AK5: variants seen among roughly 807,000 people sequenced by gnomAD.
AK5 encodes the protein adenylate kinase isoenzyme 5.
In AK5, 27 loss-of-function variants were observed where a neutral mutation model predicts 69.5. The observed-to-expected ratio is 0.39, with a 90% CI of 0.29 to 0.54. The LOEUF (loss-of-function observed/expected upper bound fraction) is 0.54, where lower values mean the gene tolerates loss of function less well. Among genes scored for constraint, AK5 ranks in the 20% least tolerant of loss-of-function variants. The pLI is 0.71. For missense variants in AK5, 531 were observed against 700.4 expected (o/e 0.76, Z 2.73); for synonymous variants, 260 against 244.4 (o/e 1.06, Z -0.60).
chr1:77,377,220 T>G (rs913151845), intron 6 of AK5, among the ~76,000 whole-genome samples: 1 of 152,178 alleles, frequency 6.6e-6, no homozygotes, highest in Non-Finnish European at 1.5e-5. Context: ...CCTCTCTACT[T>G]GGGTGTCACA....
chr1:77,328,022 T>C (rs534741171), intron 5 of AK5, among the ~76,000 whole-genome samples: 1 of 152,312 alleles, frequency 6.6e-6, no homozygotes, highest in East Asian at 1.9e-4. Flanking sequence ...TCAGTCTACC[T>C]TTCCAGAACT....
At chr1:77,453,753 G>C (rs2247536) in intron 8 of AK5, among the ~76,000 whole-genome samples, 42,349 of 152,158 alleles carry the variant, frequency 0.28, 6,221 homozygotes, top group South Asian at 0.45. Flanking sequence ...TCCTCACAAA[G>C]AAGATGAGGC....
chr1:77,388,922 G>A (rs1314953468), intron 6 of AK5, among the ~76,000 whole-genome samples: 2 of 152,158 alleles, frequency 1.3e-5, no homozygotes, highest in African/African-American at 4.8e-5. Flanking sequence ...AGAATATCAG[G>A]GAAGTGGAGG....
At chr1:77,390,486 G>A (rs1016059691) in intron 6 of AK5, among the ~76,000 whole-genome samples, 1 of 152,158 alleles carries the variant, frequency 6.6e-6, no homozygotes, top group Non-Finnish European at 1.5e-5. Context: ...GGTGAGAGGG[G>A]AGAAGCCCAT....
chr1:77,413,700 A>G (rs1570528491), intron 7 of AK5, among the ~76,000 whole-genome samples: 1 of 152,210 alleles, frequency 6.6e-6, no homozygotes, highest in African/African-American at 2.4e-5. Context: ...TGAAAAGGCT[A>G]TCTATGGGTT....
chr1:77,297,484 A>G, intron 3 of AK5, 75 bp from the exon 4 acceptor site: 1 of 1,372,638 alleles, frequency 7.3e-7, no homozygotes, highest in Non-Finnish European at 9.9e-7. Flanking sequence ...TGCATCCCAG[A>G]TGAAGTAGTA....
intron 13 of AK5, among the ~76,000 whole-genome samples, chr1:77,548,898 CTTTT>C (rs34026852): frequency 2.3e-5 from 2 of 87,898 alleles, no homozygotes; most frequent in African/African-American, 4.1e-5. Flanking sequence ...TTGCTTTTAG[CTTTT>C]TTTTTTTTTT....
At chr1:77,415,266 GTTGT>G (rs1178081019) in intron 7 of AK5, among the ~76,000 whole-genome samples, 1 of 152,144 alleles carries the variant, frequency 6.6e-6, no homozygotes, top group Non-Finnish European at 1.5e-5. Context: ...CGTTAACTGA[GTTGT>G]TTAAGAGCCT....
chr1:77,488,228 C>A (rs1323470192), intron 10 of AK5, among the ~76,000 whole-genome samples: 1 of 152,174 alleles, frequency 6.6e-6, no homozygotes, highest in South Asian at 2.1e-4. Flanking sequence ...GGACTCTTCC[C>A]ACACTTATTT....
chr1:77,358,991 C>T (rs1434042171), intron 6 of AK5, among the ~76,000 whole-genome samples: 3 of 151,736 alleles, frequency 2.0e-5, no homozygotes, highest in Non-Finnish European at 4.4e-5. Flanking sequence ...CATGGTGGCT[C>T]ACACCTGTAA....
intron 8 of AK5, among the ~76,000 whole-genome samples, chr1:77,434,887 C>G (rs1002286717): frequency 1.3e-5 from 2 of 152,138 alleles, no homozygotes; most frequent in African/African-American, 4.8e-5. Flanking sequence ...AACAAGAAAA[C>G]TAGTACCTTG....
At chr1:77,428,707 C>T (rs1184400445) in intron 8 of AK5, among the ~76,000 whole-genome samples, 1 of 152,068 alleles carries the variant, frequency 6.6e-6, no homozygotes, top group Non-Finnish European at 1.5e-5. Flanking sequence ...CGCCCAGTAA[C>T]TTGTCATTTA....
intron 8 of AK5, among the ~76,000 whole-genome samples, chr1:77,459,208 G>T (rs1302919011): frequency 2.0e-5 from 3 of 152,128 alleles, no homozygotes; most frequent in Non-Finnish European, 4.4e-5. Context: ...TAAATTTATT[G>T]CTGTCTTCCT....
At chr1:77,322,382 A>C (rs568327376) in intron 5 of AK5, among the ~76,000 whole-genome samples, 1 of 152,038 alleles carries the variant, frequency 6.6e-6, no homozygotes, top group Non-Finnish European at 1.5e-5. Context: ...CTCAAGCACA[A>C]ATTTTACCGG....
intron 6 of AK5, among the ~76,000 whole-genome samples, chr1:77,348,080 T>C (rs990958661): frequency 1.3e-5 from 2 of 152,210 alleles, no homozygotes; most frequent in Non-Finnish European, 2.9e-5. Context: ...GGAAGAACTT[T>C]AAAAATGAAC....
chr1:77,283,671 C>T, intron 1 of AK5: 1 of 950,260 alleles, frequency 1.1e-6, no homozygotes, highest in Non-Finnish European at 1.3e-6. Flanking sequence ...AAATGTGTTA[C>T]TCCTGCGTGA....
At chr1:77,499,112 A>G (rs1391314578) in intron 10 of AK5, among the ~76,000 whole-genome samples, 1 of 152,224 alleles carries the variant, frequency 6.6e-6, no homozygotes, top group Non-Finnish European at 1.5e-5. Context: ...GAAGCAGAGT[A>G]ACAAGCCAGT....
chr1:77,528,236 C>T (rs1658392761), intron 12 of AK5, among the ~76,000 whole-genome samples: 1 of 152,034 alleles, frequency 6.6e-6, no homozygotes, highest in African/African-American at 2.4e-5. Context: ...TCTGATTTTC[C>T]CCAGAGATTC....
intron 6 of AK5, among the ~76,000 whole-genome samples, chr1:77,373,870 A>G (rs545503098): frequency 6.6e-6 from 1 of 152,328 alleles, no homozygotes; most frequent in Non-Finnish European, 1.5e-5. Flanking sequence ...TGAAGTTACC[A>G]TATTCTTCAT....
Sources: allele counts gnomAD v4.1 joint callset (sites outside exome capture counted in the v4.1 genomes callset), GRCh38; gene constraint gnomAD v4.1.1; transcripts MANE v1.5; gene names NCBI Gene and HGNC (gene_info 2026-07-23, HGNC 2026-07-21).